The following KCNJ10 variants were observed in gnomAD, a reference collection of about 807,000 sequenced individuals.
KCNJ10 encodes the protein ATP-sensitive inward rectifier potassium channel 10.
KCNJ10 carries 9 observed loss-of-function variants against 22.2 expected under a neutral mutation model. The observed-to-expected ratio is 0.40, with a 90% CI of 0.24 to 0.71. The LOEUF (loss-of-function observed/expected upper bound fraction) is 0.71, where lower values mean the gene tolerates loss of function less well. Among genes scored for constraint, KCNJ10 ranks in the 30% least tolerant of loss-of-function variants. The pLI is 0.35. For synonymous variants in KCNJ10, 184 were observed against 187.3 expected (o/e 0.98, Z 0.15); for missense variants, 337 against 482.7 (o/e 0.70, Z 2.83).
chr1:160,053,376 G>A (rs1557971480), intron 1 of KCNJ10, among the ~76,000 whole-genome samples: 1 of 152,186 alleles, frequency 6.6e-6, no homozygotes, highest in Non-Finnish European at 1.5e-5. Flanking sequence ...TCTTAATGAG[G>A]GTTGGGGAAG....
Position 160,054,965 on chromosome 1 carries a change from C to G in KCNJ10, c.1-12433G>C, listed in dbSNP as rs557009834. ...ACCAGCGATTTACCACTCTCCACCC[C>G]ATGCGGAAGACTGACCTCCCCAACC... On this transcript the variant is annotated intron_variant, in intron 1 of 1. Coordinates refer to ENST00000644903, the MANE Select transcript of KCNJ10 (RefSeq NM_002241.5). Among the ~76,000 whole-genome samples the G allele has an allele frequency of 2.6e-5, 4 of 152,312 alleles. No individual in the cohort carries two copies. The South Asian group carries it at 8.3e-4, about 32-fold the overall frequency.
chr1:160,044,593 G>T (rs774102116), intron 1 of KCNJ10, among the ~76,000 whole-genome samples: 8 of 152,138 alleles, frequency 5.3e-5, no homozygotes, highest in Non-Finnish European at 1.0e-4. Context: ...ACTACAAACA[G>T]GTAAGATATT....
intron 1 of KCNJ10, among the ~76,000 whole-genome samples, chr1:160,049,110 T>G (rs1037598310): frequency 6.6e-5 from 10 of 152,222 alleles, no homozygotes; most frequent in Non-Finnish European, 1.3e-4. Context: ...TGTGACTCAG[T>G]AAACTGTGGA....
chr1:160,061,411 C>T (rs1183069328), intron 1 of KCNJ10, among the ~76,000 whole-genome samples: 2 of 152,096 alleles, frequency 1.3e-5, no homozygotes, highest in East Asian at 3.9e-4. Flanking sequence ...TGGACCTGTG[C>T]CAGCGAGGCC....
intron 1 of KCNJ10, 132 bp from the exon 2 acceptor site, chr1:160,042,664 A>G (rs1164219840): frequency 5.5e-6 from 5 of 901,962 alleles, no homozygotes; most frequent in South Asian, 1.4e-5. Flanking sequence ...CCAAATATTT[A>G]TTGAGCACTT....
rs1269942126 is a variant in KCNJ10, at chr1:160,042,050, G to A, written c.483C>T (p.Ile161=). 1.3e-6 allele frequency: 2 copies of A among 1,555,976 alleles called. No individual in the cohort carries two copies. Among genetic ancestry groups the A allele is most frequent in the Admixed American group, 1.8e-5 (1 of 54,120 alleles). The change falls in exon 2 of 2, where the codon ATC becomes ATT. Residue 161 remains isoleucine (I), a synonymous_variant. Transcript: ENST00000644903. ...CAATCTTCGCCAGGAAGGTACCTGT[G>A]ATGAAGATTTCCAGGATGGTGGTGA... ...LVLTTILEIF[I]TGTFLAKIAR...
At chr1:160,047,305 C>T (rs2101927371) in intron 1 of KCNJ10, among the ~76,000 whole-genome samples, 1 of 152,326 alleles carries the variant, frequency 6.6e-6, no homozygotes, top group Non-Finnish European at 1.5e-5. Context: ...TTCTCTTCCT[C>T]AAATACACTT....
chr1:160,057,634 A>T (rs1649072329), intron 1 of KCNJ10, among the ~76,000 whole-genome samples: 2 of 152,278 alleles, frequency 1.3e-5, no homozygotes, highest in East Asian at 3.9e-4. Flanking sequence ...CAGCCTTCTC[A>T]AGGCCTAGGA....
intron 1 of KCNJ10, among the ~76,000 whole-genome samples, chr1:160,063,140 G>T (rs1292877137): frequency 1.3e-5 from 2 of 152,078 alleles, no homozygotes; most frequent in African/African-American, 4.8e-5. Context: ...CCCTTCTCCT[G>T]CCCAGGGAAC....
intron 1 of KCNJ10, among the ~76,000 whole-genome samples, chr1:160,069,356 T>C (rs1337560643): frequency 6.6e-6 from 1 of 152,176 alleles, no homozygotes; most frequent in Non-Finnish European, 1.5e-5. Flanking sequence ...TCTGCCCTTC[T>C]CACTCTAGCA....
intron 1 of KCNJ10, chr1:160,068,095 G>T (rs1363351805): frequency 6.6e-6 from 1 of 152,340 alleles, no homozygotes; most frequent in Admixed American, 6.5e-5. Flanking sequence ...CACGGAGGAG[G>T]TAGGGGATAC....
intron 1 of KCNJ10, chr1:160,062,676 C>T (rs1052954920): frequency 2.0e-5 from 3 of 152,140 alleles, no homozygotes; most frequent in African/African-American, 7.2e-5. Flanking sequence ...GCCCCTTGGT[C>T]CCAGGCTGGG....
At chr1:160,061,583 G>A (rs914969534) in intron 1 of KCNJ10, among the ~76,000 whole-genome samples, 1 of 152,004 alleles carries the variant, frequency 6.6e-6, no homozygotes, top group Admixed American at 6.5e-5. Flanking sequence ...CGTATAAGCA[G>A]GTGCAGTCTG....
chr1:160,069,531 G>C (rs535207513), intron 1 of KCNJ10, among the ~76,000 whole-genome samples: 2 of 150,476 alleles, frequency 1.3e-5, no homozygotes, highest in Non-Finnish European at 3.0e-5. Context: ...TGGCTCCCCG[G>C]TTTAAGCTGC....
rs946261870 is a variant in KCNJ10, at chr1:160,038,098, T to C, written c.*3295A>G. ...TGGGAGATCTTCAGCCTAACAGCTA[T>C]TAGTCCTGGCATTTGGATTCCAGGG... On this transcript the variant is annotated 3_prime_UTR_variant, in exon 2 of 2. Coordinates refer to ENST00000644903, the MANE Select transcript of KCNJ10 (RefSeq NM_002241.5). 1 of 152,222 alleles carries C rather than the reference T, an allele frequency of 6.6e-6. No individual in the cohort carries two copies. The highest frequency in any genetic ancestry group is 2.1e-4 in the South Asian group (1 of 4,832). 9.4% of individuals were successfully genotyped at this position (152,222 alleles called of 1,614,324 possible). A position where few individuals can be genotyped will look rare whatever the true frequency, so the allele number is the denominator to read the frequency against.
At chr1:160,045,566 G>A (rs967688766) in intron 1 of KCNJ10, among the ~76,000 whole-genome samples, 1 of 152,230 alleles carries the variant, frequency 6.6e-6, no homozygotes, top group African/African-American at 2.4e-5. Flanking sequence ...TCCAATATGA[G>A]TTATTCATGT....
chr1:160,059,785 A>G (rs1412525790), intron 1 of KCNJ10, among the ~76,000 whole-genome samples: 1 of 152,184 alleles, frequency 6.6e-6, no homozygotes, highest in Non-Finnish European at 1.5e-5. Context: ...CTTCCAGGCC[A>G]CTCAAGCTTT....
intron 1 of KCNJ10, among the ~76,000 whole-genome samples, chr1:160,047,303 C>T (rs1440045442): frequency 6.6e-6 from 1 of 152,202 alleles, no homozygotes; most frequent in Non-Finnish European, 1.5e-5. Flanking sequence ...GTTTCTCTTC[C>T]TCAAATACAC....
intron 1 of KCNJ10, among the ~76,000 whole-genome samples, chr1:160,067,131 T>C (rs576466277): frequency 6.6e-6 from 1 of 152,298 alleles, no homozygotes; most frequent in East Asian, 1.9e-4. Flanking sequence ...TGCCACAAAG[T>C]TCTGTTCTTA....
Sources: allele counts gnomAD v4.1 joint callset (sites outside exome capture counted in the v4.1 genomes callset), GRCh38; gene constraint gnomAD v4.1.1; transcripts MANE v1.5; gene names NCBI Gene and HGNC (gene_info 2026-07-23, HGNC 2026-07-21).